Variants in NDUFB3 observed in about 807,000 individuals in gnomAD.
NDUFB3 encodes NADH dehydrogenase [ubiquinone] 1 beta subcomplex subunit 3.
Under a neutral mutation model 9.0 loss-of-function variants are expected in NDUFB3, and 7 were observed. The ratio of observed to expected loss-of-function variants is 0.78; its 90% CI spans 0.44 to 1.46. NDUFB3 has a LOEUF of 1.46. Ranked by LOEUF, NDUFB3 falls within the 40% of genes most tolerant of loss-of-function variation. The pLI is 0.01. For missense variants in NDUFB3, 93 were observed against 115.4 expected, an observed-to-expected ratio of 0.81 and a Z score of 0.89; for synonymous variants, 29 against 38.5, an observed-to-expected ratio of 0.75 and a Z score of 0.91.
At chr2:201,082,456 G>C (rs2047238040) in intron 2 of NDUFB3, among the ~76,000 whole-genome samples, 1 of 151,742 alleles carries the variant, frequency 6.6e-6, no homozygotes. Flanking sequence ...GTTGAGACGA[G>C]GTTTTCCTGT....
intron 2 of NDUFB3, among the ~76,000 whole-genome samples, chr2:201,080,698 AC>A (rs2047212338): frequency 7.2e-6 from 1 of 139,132 alleles, no homozygotes; most frequent in Non-Finnish European, 1.5e-5. Context: ...AAGATCTCCA[AC>A]TTTTTTTTTT....
chr2:201,072,025 G>C lies in NDUFB3; in HGVS notation c.-37G>C, dbSNP rs543601685. Reference sequence around the variant, plus strand: ...CCGTTTCCGGTTGGCTCCGGTTGCAGAGTTGAGTGTCCTGAGAGGTCAGAT... The same window carrying C: ...CCGTTTCCGGTTGGCTCCGGTTGCACAGTTGAGTGTCCTGAGAGGTCAGAT... On this transcript the variant is annotated 5_prime_UTR_variant, in exon 1 of 3. Transcript: ENST00000237889. 2.6e-5 allele frequency: 4 copies of C among 152,404 alleles called. No homozygotes were observed. The East Asian group carries it at 7.7e-4, about 29-fold the overall frequency. The allele number at this position is 152,404 out of a possible 1,614,324, so 9.4% of individuals were successfully genotyped here. A position where few individuals can be genotyped will look rare whatever the true frequency, so the allele number is the denominator to read the frequency against.
intron 2 of NDUFB3, among the ~76,000 whole-genome samples, chr2:201,081,713 A>G (rs867913994): frequency 6.6e-6 from 1 of 151,942 alleles, no homozygotes; most frequent in East Asian, 1.9e-4. Flanking sequence ...CAGTGGCACA[A>G]TCTTGGCTTA....
chr2:201,083,421 C>A (rs1445874528), intron 2 of NDUFB3, among the ~76,000 whole-genome samples: 1 of 138,714 alleles, frequency 7.2e-6, no homozygotes, highest in African/African-American at 2.7e-5. Context: ...ATGGCGAGAT[C>A]TTGGCTCACC....
At chr2:201,074,863 A>C (rs2047143393) in intron 1 of NDUFB3, among the ~76,000 whole-genome samples, 1 of 152,212 alleles carries the variant, frequency 6.6e-6, no homozygotes, top group Non-Finnish European at 1.5e-5. Context: ...TGTTTTCCTC[A>C]GCTCTCACGA....
At chr2:201,075,678 T>C (rs2047156743) in intron 1 of NDUFB3, among the ~76,000 whole-genome samples, 1 of 151,926 alleles carries the variant, frequency 6.6e-6, no homozygotes, top group African/African-American at 2.4e-5. Flanking sequence ...TAAACTTGTA[T>C]AGGAGAAATG....
intron 1 of NDUFB3, among the ~76,000 whole-genome samples, chr2:201,072,723 AT>A (rs947937252): frequency 4.6e-5 from 7 of 152,144 alleles, no homozygotes; most frequent in African/African-American, 1.7e-4. Flanking sequence ...ATTTAAGTCA[AT>A]TTTTCTATTT....
At chr2:201,075,874 C>T (rs1487997579) in intron 1 of NDUFB3, among the ~76,000 whole-genome samples, 3 of 152,084 alleles carry the variant, frequency 2.0e-5, no homozygotes, top group Admixed American at 2.0e-4. Flanking sequence ...TACACTGATA[C>T]TCAGGTTGAT....
chr2:201,073,583 A>G (rs917454190), intron 1 of NDUFB3, among the ~76,000 whole-genome samples: 1 of 152,166 alleles, frequency 6.6e-6, no homozygotes, highest in African/African-American at 2.4e-5. Flanking sequence ...TCTGACCAAC[A>G]TGGTGAAACC....
At chr2:201,083,249 C>T (rs992775032) in intron 2 of NDUFB3, among the ~76,000 whole-genome samples, 1 of 151,936 alleles carries the variant, frequency 6.6e-6, no homozygotes, top group Admixed American at 6.6e-5. Context: ...TGGGTCACCA[C>T]TTAGTATGAT....
intron 1 of NDUFB3, among the ~76,000 whole-genome samples, chr2:201,076,484 AAT>A (rs561737388): frequency 0.1 from 11,977 of 119,918 alleles, 836 homozygotes; most frequent in African/African-American, 0.18. Context: ...TCTATCTTTA[AAT>A]ATATATATAT....
chr2:201,078,174 C>T (rs1189807821), intron 1 of NDUFB3, among the ~76,000 whole-genome samples: 1 of 152,104 alleles, frequency 6.6e-6, no homozygotes, highest in African/African-American at 2.4e-5. Flanking sequence ...TGGTGGCGGG[C>T]ACCTGTAGTC....
chr2:201,074,362 C>T (rs932710313), intron 1 of NDUFB3, among the ~76,000 whole-genome samples: 8 of 151,676 alleles, frequency 5.3e-5, no homozygotes, highest in Admixed American at 1.3e-4. Context: ...AGCCACATTT[C>T]AAGTGCTAGT....
At chr2:201,082,807 G>A (rs938515452) in intron 2 of NDUFB3, among the ~76,000 whole-genome samples, 6 of 143,856 alleles carry the variant, frequency 4.2e-5, no homozygotes, top group South Asian at 2.2e-4. Context: ...TCCGCTTCCC[G>A]GGTTCACGCC....
chr2:201,078,426 T>C (rs2047189102), intron 1 of NDUFB3, among the ~76,000 whole-genome samples: 1 of 152,232 alleles, frequency 6.6e-6, no homozygotes, highest in Non-Finnish European at 1.5e-5. Context: ...TGGAGTCTCA[T>C]TGTCCTCATC....
intron 2 of NDUFB3, among the ~76,000 whole-genome samples, chr2:201,081,966 C>T (rs1360948490): frequency 6.6e-6 from 1 of 152,040 alleles, no homozygotes; most frequent in Non-Finnish European, 1.5e-5. Context: ...CAGGCGCCCA[C>T]CACTATGCCC....
chr2:201,080,594 A>G (rs2125536100), intron 2 of NDUFB3, among the ~76,000 whole-genome samples: 1 of 151,632 alleles, frequency 6.6e-6, no homozygotes, highest in South Asian at 2.1e-4. Flanking sequence ...AATTGACTGT[A>G]TCTATGGGAT....
intron 1 of NDUFB3, among the ~76,000 whole-genome samples, chr2:201,073,350 G>A (rs893754634): frequency 6.6e-6 from 1 of 152,104 alleles, no homozygotes. Flanking sequence ...TTTGCATGTA[G>A]TTTTTTGTTG....
rs370768077 is a variant in NDUFB3 at position 201,079,035 on chromosome 2, A to C, written c.140+13A>C. 8.1e-6 allele frequency: 13 copies of C among 1,604,440 alleles called. No homozygotes were observed. In the East Asian group the frequency reaches 1.3e-4, roughly 17 times the overall value. On this transcript the variant is annotated intron_variant, in intron 2 of 2. Coordinates refer to ENST00000237889, the MANE Select transcript of NDUFB3 (RefSeq NM_002491.3). ...ATCCATGGGGCCGGTAAGATGAATT[A>C]AGTAATTTAGATAGAATGTATCCTA...
Sources: gnomAD v4.1 joint callset for allele counts (sites outside exome capture counted in the v4.1 genomes callset) on GRCh38, gnomAD v4.1.1 for gene constraint, MANE v1.5 for transcripts, NCBI Gene and HGNC (gene_info 2026-07-23, HGNC 2026-07-21) for gene names.